The following GABRA2 variants were observed in gnomAD, a reference collection of about 807,000 sequenced individuals.
GABRA2 encodes the protein gamma-aminobutyric acid receptor subunit alpha-2.
GABRA2 carries 16 observed loss-of-function variants against 48.7 expected under a neutral mutation model. That is an observed-to-expected ratio of 0.33 (90% CI 0.22 to 0.50). GABRA2 has a LOEUF of 0.50. GABRA2 is among the 20% of genes least tolerant of loss of function. The pLI is 0.98. For missense variants in GABRA2, 275 were observed against 535.6 expected (o/e 0.51, Z 4.80); for synonymous variants, 185 against 184.5 (o/e 1.00, Z -0.02).
At chr4:46,363,127 TC>T (rs1289632437) in intron 3 of GABRA2, among the ~76,000 whole-genome samples, 1 of 152,108 alleles carries the variant, frequency 6.6e-6, no homozygotes, top group Non-Finnish European at 1.5e-5. Context: ...ATACACCAAA[TC>T]ACTTCTCTTA....
At chr4:46,334,199 C>T (rs1731828692) in intron 3 of GABRA2, among the ~76,000 whole-genome samples, 1 of 152,096 alleles carries the variant, frequency 6.6e-6, no homozygotes, top group South Asian at 2.1e-4. Context: ...AGAAAAGTCC[C>T]ATGCTTCATT....
chr4:46,294,528 C>T (rs1349166784), intron 8 of GABRA2, among the ~76,000 whole-genome samples: 1 of 152,204 alleles, frequency 6.6e-6, no homozygotes, highest in Non-Finnish European at 1.5e-5. Flanking sequence ...TTTTGAGTGG[C>T]ATCCAGAACA....
intron 3 of GABRA2, among the ~76,000 whole-genome samples, chr4:46,339,211 A>G (rs960343594): frequency 3.3e-5 from 5 of 151,898 alleles, no homozygotes; most frequent in Non-Finnish European, 7.4e-5. Flanking sequence ...CATTTAAATT[A>G]AATTTTAATT....
intron 8 of GABRA2, among the ~76,000 whole-genome samples, chr4:46,266,719 T>TC (rs1490853979): frequency 1.7e-4 from 4 of 24,008 alleles, no homozygotes; most frequent in South Asian, 3.0e-3. Context: ...AAATATTCTC[T>TC]TTTTTTTTTT....
At chr4:46,261,364 C>T (rs1485802366) in intron 9 of GABRA2, 1 of 153,192 alleles carries the variant, frequency 6.5e-6, no homozygotes, top group Non-Finnish European at 1.5e-5. Flanking sequence ...GCTATCCGGG[C>T]TTTTACAATC....
At chr4:46,281,922 C>T (rs139878260) in intron 8 of GABRA2, among the ~76,000 whole-genome samples, 28 of 152,132 alleles carry the variant, frequency 1.8e-4, no homozygotes, top group African/African-American at 6.8e-4. Context: ...GAGGTGCATT[C>T]CTGGAATAAT....
At chr4:46,374,604 AC>A (rs1177738675) in intron 3 of GABRA2, among the ~76,000 whole-genome samples, 1 of 152,070 alleles carries the variant, frequency 6.6e-6, no homozygotes, top group East Asian at 1.9e-4. Context: ...ATATCGAAAT[AC>A]TCATGTATTT....
intron 8 of GABRA2, among the ~76,000 whole-genome samples, chr4:46,264,981 T>TTATAAATATATATATATA (rs1553899760): frequency 2.1e-5 from 1 of 47,872 alleles, no homozygotes; most frequent in Non-Finnish European, 4.6e-5. Context: ...CAGAATTACT[T>TTATAAATATATATATATA]TATACATATA....
intron 4 of GABRA2, among the ~76,000 whole-genome samples, chr4:46,325,839 C>T (rs1730269989): frequency 6.6e-6 from 1 of 151,958 alleles, no homozygotes; most frequent in African/African-American, 2.4e-5. Context: ...GGAGTCCTTA[C>T]CCCACTGCTT....
chr4:46,252,450 G>T (rs114542262), intron 9 of GABRA2, among the ~76,000 whole-genome samples: 188 of 151,434 alleles, frequency 1.2e-3, no homozygotes, highest in African/African-American at 4.3e-3. Context: ...CTCACTACGG[G>T]ATAGGAAGTT....
At chr4:46,267,839 T>C (rs1257101875) in intron 8 of GABRA2, among the ~76,000 whole-genome samples, 3 of 152,042 alleles carry the variant, frequency 2.0e-5, no homozygotes, top group Non-Finnish European at 4.4e-5. Context: ...TTTAATATTC[T>C]CCAAAATCTG....
At chr4:46,350,726 C>A (rs1734978535) in intron 3 of GABRA2, among the ~76,000 whole-genome samples, 2 of 151,532 alleles carry the variant, frequency 1.3e-5, no homozygotes, top group African/African-American at 2.4e-5. Flanking sequence ...TCTTTTTCCT[C>A]CTTCCAAAAA....
At chr4:46,386,298 C>A (rs1717441082) in intron 2 of GABRA2, 109 bp from the exon 3 acceptor site, 2 of 632,192 alleles carry the variant, frequency 3.2e-6, no homozygotes, top group African/African-American at 2.0e-5. Flanking sequence ...GCTATTAGTA[C>A]CACCCGTTTT....
chr4:46,361,085 T>A (rs1213502315), intron 3 of GABRA2, among the ~76,000 whole-genome samples: 1 of 152,104 alleles, frequency 6.6e-6, no homozygotes, highest in Non-Finnish European at 1.5e-5. Flanking sequence ...GACAATGCAA[T>A]AGAAAAGAAA....
At chr4:46,305,060 G>C (rs1423107233) in intron 7 of GABRA2, among the ~76,000 whole-genome samples, 1 of 151,218 alleles carries the variant, frequency 6.6e-6, no homozygotes, top group East Asian at 2.0e-4. Flanking sequence ...ATTAATCTTT[G>C]AATCTTGTTA....
Position 46,262,416 on chromosome 4 carries a change from A to C in GABRA2, c.857-288T>G, listed in dbSNP as rs375890020. On this transcript the variant is annotated intron_variant, in intron 8 of 9. Transcript: ENST00000381620. ...TTCTTAAGTACTGTTGAAGTTAAAAAGACTAGGGATACCGAAGTAGAATTA... is the reference window on the plus strand; with the variant it reads ...TTCTTAAGTACTGTTGAAGTTAAAACGACTAGGGATACCGAAGTAGAATTA... 1.7e-4 allele frequency among the ~76,000 whole-genome samples: 26 copies of C among 152,282 alleles called. No individual in the cohort carries two copies. In the South Asian group the frequency reaches 4.8e-3, roughly 28 times the overall value.
chr4:46,389,724 T>G lies in GABRA2; in HGVS notation c.-11+11A>C. 1.0e-6 allele frequency: 1 copy of G among 982,550 alleles called. No individual in the cohort carries two copies. The highest frequency in any genetic ancestry group is 1.2e-6 in the Non-Finnish European group (1 of 829,456). The allele number at this position is 982,550 out of a possible 1,614,324, so 60.9% of individuals were successfully genotyped here. Reference sequence around the variant, plus strand: ...AAGTGTCTCTATCGGGACCAACGTGTGCGACCCTACCTGAAACGGCAAGCA... The same window carrying G: ...AAGTGTCTCTATCGGGACCAACGTGGGCGACCCTACCTGAAACGGCAAGCA... On this transcript the variant is annotated intron_variant, in intron 1 of 9. Transcript: ENST00000381620.
chr4:46,251,838 G>T (rs192034536), intron 9 of GABRA2, among the ~76,000 whole-genome samples: 21 of 151,492 alleles, frequency 1.4e-4, no homozygotes, highest in African/African-American at 4.1e-4. Context: ...CACTTAGCAT[G>T]AAGCCTTCCA....
intron 9 of GABRA2, among the ~76,000 whole-genome samples, chr4:46,255,097 T>A (rs1237254142): frequency 6.6e-6 from 1 of 151,554 alleles, no homozygotes; most frequent in African/African-American, 2.4e-5. Flanking sequence ...CATGTATGTA[T>A]CTTTTTCACT....
Sources: allele counts gnomAD v4.1 joint callset (sites outside exome capture counted in the v4.1 genomes callset), GRCh38; gene constraint gnomAD v4.1.1; transcripts MANE v1.5; gene names NCBI Gene and HGNC (gene_info 2026-07-23, HGNC 2026-07-21).